Variants in RPA1 observed in about 807,000 individuals in gnomAD.
RPA1 encodes the protein replication protein A 70 kDa DNA-binding subunit.
RPA1 carries 49 observed loss-of-function variants against 83.0 expected under a neutral mutation model. The observed-to-expected ratio is 0.59, with a 90% confidence interval of 0.47 to 0.75. The LOEUF (loss-of-function observed/expected upper bound fraction) is 0.75. Ranked by LOEUF, RPA1 falls within the 30% of genes least tolerant of loss-of-function variation. RPA1 has a pLI of 0.00. For synonymous variants in RPA1, 279 were observed against 281.8 expected, an observed-to-expected ratio of 0.99 and a Z score of 0.10; for missense variants, 693 against 776.1, an observed-to-expected ratio of 0.89 and a Z score of 1.27.
At position 1,880,701 on chromosome 17, in the gene RPA1, G is replaced by C. The variant is rs373509142; in HGVS notation, c.1241+10G>C. 3 of 1,612,506 alleles carry C rather than the reference G, an allele frequency of 1.9e-6. No individual in the cohort carries two copies. The highest frequency in any genetic ancestry group is 2.5e-6 in the Non-Finnish European group (3 of 1,179,854). ...ATAAGCTTCGTGGATGGTAGGTTTT[G>C]TGGGGCTAAACAAAGGGTTACTTGA... On this transcript the variant is annotated intron_variant, in intron 12 of 16. Coordinates refer to ENST00000254719, the MANE Select transcript of RPA1 (RefSeq NM_002945.5).
At chr17:1,873,992 C>CAAAAAAAAAAAA (rs71150832) in intron 6 of RPA1, among the ~76,000 whole-genome samples, 1 of 45,420 alleles carries the variant, frequency 2.2e-5, no homozygotes, top group African/African-American at 1.6e-4. Flanking sequence ...GACTCTGTCT[C>CAAAAAAAAAAAA]AAAAAAAAAA....
chr17:1,862,717 C>CG (rs1913027089), intron 5 of RPA1, among the ~76,000 whole-genome samples: 1 of 51,762 alleles, frequency 1.9e-5, no homozygotes, highest in Non-Finnish European at 3.4e-5. Context: ...CTGTGCCCAG[C>CG]TTTTTTTTTT....
chr17:1,847,504 TG>T (rs1350121873), intron 4 of RPA1, among the ~76,000 whole-genome samples: 2 of 152,240 alleles, frequency 1.3e-5, no homozygotes, highest in Non-Finnish European at 2.9e-5. Context: ...CATATTCTTT[TG>T]TACCTCTGCT....
At chr17:1,875,534 G>T in intron 6 of RPA1, 127 bp from the exon 7 acceptor site, 1 of 1,016,660 alleles carries the variant, frequency 9.8e-7, no homozygotes. Flanking sequence ...AAAAGGAAAA[G>T]CTTTGCCTCT....
chr17:1,844,089 G>T, intron 3 of RPA1, 91 bp downstream of exon 3: 2 of 1,069,158 alleles, frequency 1.9e-6, no homozygotes. Flanking sequence ...GGGGGCATTC[G>T]TGAAGTCCGT....
intron 15 of RPA1, 99 bp from the exon 16 acceptor site, chr17:1,894,910 C>T (rs759600284): frequency 1.2e-4 from 109 of 872,968 alleles, no homozygotes; most frequent in Non-Finnish European, 2.0e-4. Context: ...TTGAAACTAC[C>T]CAGGAGATGC....
Position 1,853,079 on chromosome 17 carries a change from TTC to T in RPA1, c.273-20_273-19del. On this transcript the variant is annotated intron_variant, in intron 4 of 16. Transcript: ENST00000254719. Reference sequence around the variant, plus strand: ...AACAGAATTTGTTTTTCTAACCTGTTTCTGTTTGTCTGCTTTTGCAGGAGAGT... The same window carrying T: ...AACAGAATTTGTTTTTCTAACCTGTTTGTTTGTCTGCTTTTGCAGGAGAGT... 6.2e-7 allele frequency: 1 copy of T among 1,606,986 alleles called. No homozygotes were observed. Among genetic ancestry groups the T allele is most frequent in the African/African-American group, 1.3e-5 (1 of 74,892 alleles).
chr17:1,886,593 C>T (rs1914001822), intron 13 of RPA1, among the ~76,000 whole-genome samples: 1 of 152,220 alleles, frequency 6.6e-6, no homozygotes, highest in African/African-American at 2.4e-5. Flanking sequence ...TAACTTGCTG[C>T]AGCTTCTCCA....
At chr17:1,872,138 G>C in intron 5 of RPA1, 1 of 380,956 alleles carries the variant, frequency 2.6e-6, no homozygotes, top group East Asian at 4.7e-5. Context: ...CTTTACTGCA[G>C]GTTGTTGCAG....
At chr17:1,894,875 T>G in intron 15 of RPA1, 134 bp from the exon 16 acceptor site, 1 of 636,008 alleles carries the variant, frequency 1.6e-6, no homozygotes. Flanking sequence ...TAATGTTACC[T>G]GTAGATGAGT....
chr17:1,880,743 A>C (rs1203821098), intron 12 of RPA1, 52 bp downstream of exon 12: 2 of 1,602,056 alleles, frequency 1.2e-6, no homozygotes, highest in African/African-American at 2.7e-5. Flanking sequence ...GCTTTGAGAA[A>C]AGCTGGTTAC....
intron 15 of RPA1, 64 bp downstream of exon 15, chr17:1,892,004 C>T (rs1444737091): frequency 3.4e-6 from 4 of 1,176,668 alleles, no homozygotes; most frequent in Non-Finnish European, 4.8e-6. Flanking sequence ...TAACACTGAC[C>T]CCACACATTT....
At chr17:1,872,708 CT>C (rs34892322) in intron 6 of RPA1, among the ~76,000 whole-genome samples, 182 bp downstream of exon 6, 29,389 of 112,734 alleles carry the variant, frequency 0.26, 2,799 homozygotes, top group Middle Eastern at 0.41. Flanking sequence ...TAAAGATTGT[CT>C]TTTTTTTTTT....
At chr17:1,855,283 C>G (rs1017973415) in intron 5 of RPA1, among the ~76,000 whole-genome samples, 4 of 152,048 alleles carry the variant, frequency 2.6e-5, no homozygotes, top group African/African-American at 4.8e-5. Context: ...GTGCCTCAGC[C>G]TCAGAGTAGC....
chr17:1,885,600 C>T (rs779357004), intron 13 of RPA1, among the ~76,000 whole-genome samples: 7 of 152,128 alleles, frequency 4.6e-5, no homozygotes, highest in Admixed American at 1.3e-4. Context: ...TGCTGCCACA[C>T]CTGGCTAATT....
At chr17:1,885,838 C>T (rs1322605636) in intron 13 of RPA1, among the ~76,000 whole-genome samples, 2 of 152,226 alleles carry the variant, frequency 1.3e-5, no homozygotes, top group Non-Finnish European at 2.9e-5. Context: ...ACTATCGCCT[C>T]ATGAAATATG....
At chr17:1,896,364 G>A (rs17339284) in intron 16 of RPA1, among the ~76,000 whole-genome samples, 32,939 of 152,196 alleles carry the variant, frequency 0.22, 3,737 homozygotes, top group Non-Finnish European at 0.25. Context: ...CATTCAGGCC[G>A]TGAGTGTAAA....
At chr17:1,845,593 G>T (rs1567804157) in intron 4 of RPA1, among the ~76,000 whole-genome samples, 1 of 152,092 alleles carries the variant, frequency 6.6e-6, no homozygotes, top group South Asian at 2.1e-4. Flanking sequence ...CTGCATGCTA[G>T]AGATACAGTG....
At chr17:1,885,979 G>T (rs1913974620) in intron 13 of RPA1, among the ~76,000 whole-genome samples, 1 of 152,086 alleles carries the variant, frequency 6.6e-6, no homozygotes, top group African/African-American at 2.4e-5. Context: ...GGGTGAACAG[G>T]TGCATTGTCA....
Sources: gnomAD v4.1 joint callset for allele counts (sites outside exome capture counted in the v4.1 genomes callset) on GRCh38, gnomAD v4.1.1 for gene constraint, MANE v1.5 for transcripts, NCBI Gene and HGNC (gene_info 2026-07-23, HGNC 2026-07-21) for gene names.